NT5M: variants seen among roughly 807,000 people sequenced by gnomAD.
The protein encoded by NT5M is 5'(3')-deoxyribonucleotidase, mitochondrial.
A neutral mutation model predicts 22.2 loss-of-function variants in NT5M; 22 were observed. The observed-to-expected ratio is 0.99, with a 90% CI of 0.71 to 1.41. NT5M has a LOEUF of 1.41. Among genes scored for constraint, NT5M ranks in the 40% most tolerant of loss-of-function variants. The probability of loss-of-function intolerance (pLI) is 0.00; values close to 1 mark genes in which losing one functional copy is unlikely to be tolerated. For synonymous variants in NT5M, 167 were observed against 133.0 expected, an observed-to-expected ratio of 1.26 and a Z score of -1.76; for missense variants, 322 against 314.8, an observed-to-expected ratio of 1.02 and a Z score of -0.17.
chr17:17,330,379 CT>C (rs35267848), intron 3 of NT5M, among the ~76,000 whole-genome samples: 10,026 of 138,450 alleles, frequency 0.072, 407 homozygotes, highest in South Asian at 0.11. Context: ...AAAACGTAGA[CT>C]TTTTTTTTTT....
intron 2 of NT5M, among the ~76,000 whole-genome samples, chr17:17,308,275 T>A (rs1305891215): frequency 6.6e-6 from 1 of 152,098 alleles, no homozygotes; most frequent in African/African-American, 2.4e-5. Flanking sequence ...GAGAGATTTT[T>A]AAAAACAGCC....
chr17:17,314,844 C>T (rs1211803227), intron 2 of NT5M, among the ~76,000 whole-genome samples: 5 of 152,322 alleles, frequency 3.3e-5, no homozygotes, highest in East Asian at 3.8e-4. Context: ...AACTGAGAAC[C>T]GTGCATGTTG....
chr17:17,346,038 A>G (rs1298740293), intron 4 of NT5M, among the ~76,000 whole-genome samples: 2 of 152,264 alleles, frequency 1.3e-5, no homozygotes, highest in East Asian at 3.9e-4. Flanking sequence ...CAGTGGGAAT[A>G]TACATTCTAT....
intron 3 of NT5M, among the ~76,000 whole-genome samples, chr17:17,334,538 G>T (rs1025032070): frequency 6.7e-6 from 1 of 150,328 alleles, no homozygotes; most frequent in East Asian, 1.9e-4. Context: ...GAGTGCAGTG[G>T]TGTGATCTCG....
Position 17,346,851 on chromosome 17 carries a change from C to T in NT5M, c.591C>T (p.Cys197=). 1 of 1,608,508 alleles carries T rather than the reference C, an allele frequency of 6.2e-7. No individual in the cohort carries two copies. The change falls in exon 5 of 5, where the codon TGC becomes TGT. Residue 197 remains cysteine (C), a synonymous_variant. Coordinates refer to ENST00000389022, the MANE Select transcript of NT5M (RefSeq NM_020201.4). ...GGGAGCATGTCCTCTTCACCGCCTG[C>T]CACAACCAGCACCTGCAGCTGCAGC... ...PSWEHVLFTA[C]HNQHLQLQPP... is the part of the protein sequence containing the mutation.
At chr17:17,304,834 G>A (rs1449428646) in intron 1 of NT5M, among the ~76,000 whole-genome samples, 2 of 152,098 alleles carry the variant, frequency 1.3e-5, no homozygotes, top group African/African-American at 4.8e-5. Context: ...TCTAACAAGT[G>A]ACATTTCTTC....
chr17:17,346,809 C>G lies in NT5M; in HGVS notation c.549C>G (p.Ala183=), dbSNP rs142120102. 13 of 1,606,940 alleles carry G rather than the reference C, an allele frequency of 8.1e-6. No homozygotes were observed. The highest frequency in any genetic ancestry group is 3.3e-5 in the South Asian group (3 of 91,052). Residue 183 remains alanine (A), a synonymous_variant, in exon 5 of 5, where the codon GCC becomes GCG. Coordinates refer to ENST00000389022, the MANE Select transcript of NT5M (RefSeq NM_020201.4). ...ATGCCGCTTTCCCACCCACAGGGGC[C>G]GAGCCAACCCCCAGCTGGGAGCATG... is the stretch of plus-strand genomic sequence containing the variant. ...LIDDRPDITG[A]EPTPSWEHVL...
chr17:17,324,735 C>T (rs112637104), intron 3 of NT5M, among the ~76,000 whole-genome samples: 5 of 152,224 alleles, frequency 3.3e-5, no homozygotes, highest in African/African-American at 1.2e-4. Flanking sequence ...CTCACAGGTG[C>T]CATCCCAGCT....
Position 17,303,780 on chromosome 17 carries a change from TGTCG to T in NT5M, c.232_235del (p.Glu79SerfsTer9). The T allele has an allele frequency of 1.3e-6, 2 of 1,574,668 alleles. No individual in the cohort carries two copies. The highest frequency in any genetic ancestry group is 1.7e-6 in the Non-Finnish European group (2 of 1,161,664). ...CTGGAGGACCGGCGCGGCTTCTGGG[TGTCG>T]GAGCAGTACGGCCGCCTGCGGCCAG... On this transcript the variant is annotated frameshift_variant, in exon 1 of 5. Transcript: ENST00000389022. LOFTEE classifies it high-confidence loss of function.
intron 2 of NT5M, among the ~76,000 whole-genome samples, chr17:17,320,277 A>G (rs929113630): frequency 3.9e-5 from 6 of 152,076 alleles, no homozygotes; most frequent in African/African-American, 1.4e-4. Context: ...GCTGGGTGGA[A>G]ATGGCTTGGA....
rs2048734918 is a variant in NT5M, at chr17:17,303,858, G to T, written c.267+41G>T. 4 of 1,337,302 alleles carry T rather than the reference G, an allele frequency of 3.0e-6. No homozygotes were observed. In the South Asian group the frequency reaches 7.2e-5, roughly 24 times the overall value. The allele number at this position is 1,337,302 out of a possible 1,614,324, so 82.8% of individuals were successfully genotyped here. On this transcript the variant is annotated intron_variant, in intron 1 of 4. Transcript: ENST00000389022. Reference sequence around the variant, plus strand: ...CCGCCCCGCGCCGGGCCTCCTTCTCGCCCCGAGCCCCAGACACCGCCCCTG... The same window carrying T: ...CCGCCCCGCGCCGGGCCTCCTTCTCTCCCCGAGCCCCAGACACCGCCCCTG...
chr17:17,306,459 C>G (rs2048803112), intron 1 of NT5M, 84 bp from the exon 2 acceptor site: 4 of 895,788 alleles, frequency 4.5e-6, no homozygotes, highest in Non-Finnish European at 7.5e-6. Context: ...AACCACTCCC[C>G]CTATAGCCTG....
intron 3 of NT5M, among the ~76,000 whole-genome samples, chr17:17,330,742 C>CTTTTTTTTTTTTT (rs58633073): frequency 3.4e-5 from 4 of 118,720 alleles, no homozygotes; most frequent in East Asian, 2.3e-4. Context: ...TTCTTTCTTT[C>CTTTTTTTTTTTTT]TTTTTTTTTT....
chr17:17,318,611 C>G (rs563191742), intron 2 of NT5M, among the ~76,000 whole-genome samples: 1 of 149,918 alleles, frequency 6.7e-6, no homozygotes, highest in Non-Finnish European at 1.5e-5. Context: ...CATGGAGAAA[C>G]TCTGTCTCTA....
At chr17:17,326,005 T>C (rs1198035741) in intron 3 of NT5M, among the ~76,000 whole-genome samples, 1 of 152,212 alleles carries the variant, frequency 6.6e-6, no homozygotes, top group Non-Finnish European at 1.5e-5. Context: ...CTCACCCTCC[T>C]GCCCACTGTC....
At chr17:17,318,532 TC>T (rs1680219194) in intron 2 of NT5M, among the ~76,000 whole-genome samples, 1 of 130,978 alleles carries the variant, frequency 7.6e-6, no homozygotes, top group African/African-American at 2.8e-5. Flanking sequence ...AAGTGTGTAA[TC>T]CCAGCACTTT....
chr17:17,328,618 T>TA (rs1034346553), intron 3 of NT5M, among the ~76,000 whole-genome samples: 7 of 152,184 alleles, frequency 4.6e-5, no homozygotes, highest in Admixed American at 2.6e-4. Flanking sequence ...GGTCTAGGCT[T>TA]AAGCCCCAGA....
At chr17:17,317,939 G>C (rs769391592) in intron 2 of NT5M, among the ~76,000 whole-genome samples, 12 of 138,602 alleles carry the variant, frequency 8.7e-5, no homozygotes, top group Non-Finnish European at 1.8e-4. Flanking sequence ...TCCAGCCTAG[G>C]TGACAGAGTG....
At chr17:17,311,203 TG>T (rs1437906745) in intron 2 of NT5M, among the ~76,000 whole-genome samples, 1 of 151,744 alleles carries the variant, frequency 6.6e-6, no homozygotes, top group Non-Finnish European at 1.5e-5. Context: ...CTGGGTGTGG[TG>T]GTGGGCGCCT....
Sources: allele counts gnomAD v4.1 joint callset (sites outside exome capture counted in the v4.1 genomes callset), GRCh38; gene constraint gnomAD v4.1.1; transcripts MANE v1.5; gene names NCBI Gene and HGNC (gene_info 2026-07-23, HGNC 2026-07-21).